SLC14A1: variants seen among roughly 807,000 people sequenced by gnomAD.
SLC14A1 encodes the protein urea transporter 1.
In SLC14A1, 36 loss-of-function variants were observed where a neutral mutation model predicts 39.6. The ratio of observed to expected loss-of-function variants is 0.91; its 90% confidence interval spans 0.70 to 1.20. SLC14A1 has a LOEUF of 1.20. Ranked by LOEUF, SLC14A1 falls within the 50% of genes most tolerant of loss-of-function variation. The pLI is 0.00. For missense variants in SLC14A1, 469 were observed against 478.7 expected (o/e 0.98, Z 0.19); for synonymous variants, 164 against 173.6 (o/e 0.94, Z 0.43).
chr18:45,739,905 C>T (rs2144806968), intron 8 of SLC14A1: 1 of 569,556 alleles, frequency 1.8e-6, no homozygotes, highest in Non-Finnish European at 3.1e-6. Flanking sequence ...TATCCTAAAA[C>T]ATGGATGTTT....
chr18:45,742,606 C>G (rs762474923), intron 8 of SLC14A1, among the ~76,000 whole-genome samples: 2 of 151,704 alleles, frequency 1.3e-5, no homozygotes, highest in Non-Finnish European at 2.9e-5. Flanking sequence ...GATCTGTCCA[C>G]CCCGGCCTCC....
chr18:45,730,886 G>A (rs12963324), intron 3 of SLC14A1, 129 bp from the exon 4 acceptor site: 261,307 of 846,454 alleles, frequency 0.31, 44,865 homozygotes, highest in Middle Eastern at 0.39. Flanking sequence ...GGTTGAGAGA[G>A]AAATATTAAA....
Position 45,752,205 on chromosome 18 carries a change from A to G in SLC14A1, c.*2254A>G, listed in dbSNP as rs148420910. 484 of 984,926 alleles carry G rather than the reference A, an allele frequency of 4.9e-4. 1 individual carries two copies. The African/African-American group carries it at 6.7e-3, about 14-fold the overall frequency. 61.0% of individuals were successfully genotyped at this position (984,926 alleles called of 1,614,324 possible). ...AACGTGTGAAAGAAGAATTGTGGGG[A>G]AAAAAAAGCAAGCATAACCAAAGAT... On this transcript the variant is annotated 3_prime_UTR_variant, in exon 10 of 10. Transcript: ENST00000321925.
intron 4 of SLC14A1, 185 bp from the exon 5 acceptor site, chr18:45,734,089 A>T: frequency 1.5e-6 from 1 of 686,398 alleles, no homozygotes; most frequent in Non-Finnish European, 2.5e-6. Context: ...ATTTTTATCT[A>T]TGTATATTTC....
At chr18:45,729,944 T>C (rs2144748702) in intron 2 of SLC14A1, 1 of 177,362 alleles carries the variant, frequency 5.6e-6, no homozygotes, top group East Asian at 1.4e-4. Context: ...CAGCTCTTTC[T>C]ACGTGATTTG....
chr18:45,736,494 A>G lies in SLC14A1; in HGVS notation c.509A>G (p.Lys170Arg). 1.9e-6 allele frequency: 3 copies of G among 1,614,132 alleles called. No individual in the cohort carries two copies. Among genetic ancestry groups the G allele is most frequent in the African/African-American group, 1.3e-5 (1 of 75,020 alleles). ...AGTGCATTGAATTCCATGCTCAGCA[A>G]ATGGGACCTCCCCGTCTTCACCCTC... ...FSSALNSMLS[K>R]WDLPVFTLPF... The change falls in exon 6 of 10, where the codon AAA (lysine) becomes AGA (arginine). Residue 170 changes from lysine (K) to arginine (R), a missense_variant. Physicochemically the swap from Lys to Arg is conservative, Grantham distance 26. Transcript: ENST00000321925.
At chr18:45,727,173 C>T (rs2046887397) in intron 2 of SLC14A1, 1 of 1,295,912 alleles carries the variant, frequency 7.7e-7, no homozygotes, top group African/African-American at 1.5e-5. Flanking sequence ...GCGCTCCAGC[C>T]CCCCTCAGCT....
chr18:45,737,865 C>A (rs188972726), intron 6 of SLC14A1, among the ~76,000 whole-genome samples: 26 of 152,264 alleles, frequency 1.7e-4, no homozygotes, highest in East Asian at 5.8e-4. Context: ...GAAAGTTATC[C>A]TGCACAGTGC....
chr18:45,735,767 C>T (rs2047176282), intron 5 of SLC14A1, among the ~76,000 whole-genome samples: 1 of 152,214 alleles, frequency 6.6e-6, no homozygotes, highest in African/African-American at 2.4e-5. Flanking sequence ...ACCACGCTCC[C>T]TTCCACAATC....
chr18:45,739,484 A>G (rs1265926864), intron 7 of SLC14A1, 44 bp from the exon 8 acceptor site: 1 of 1,613,754 alleles, frequency 6.2e-7, no homozygotes, highest in Admixed American at 1.7e-5. Flanking sequence ...CTTCCAGAAC[A>G]TCCTGCCTTT....
At chr18:45,748,101 ACATG>A (rs1432562907) in intron 8 of SLC14A1, among the ~76,000 whole-genome samples, 2 of 152,224 alleles carry the variant, frequency 1.3e-5, no homozygotes, top group Admixed American at 1.3e-4. Flanking sequence ...TGTGCTAAAC[ACATG>A]CATTATTTCC....
At position 45,739,530 on chromosome 18, in the gene SLC14A1, C is replaced by T. The variant is rs757895930; in HGVS notation, c.814C>T (p.Leu272Phe). 4 of 1,614,204 alleles carry T rather than the reference C, an allele frequency of 2.5e-6. No individual in the cohort carries two copies. The highest frequency in any genetic ancestry group is 1.3e-5 in the African/African-American group (1 of 75,052). ...IGSLLGIAAG[L>F]SLSAPFEDIY... is the part of the protein sequence containing the mutation. ...TCTGACCCCTCCTGTCTTAACAGGA[C>T]TCAGTCTTTCAGCCCCATTTGAGGA... Residue 272 changes from leucine to phenylalanine, a missense_variant and splice_region_variant, in exon 8 of 10, where the codon CTC (leucine) becomes TTC (phenylalanine). Physicochemically the swap from Leu to Phe is conservative, Grantham distance 22. Transcript: ENST00000321925.
chr18:45,729,205 G>A (rs1418691046), intron 2 of SLC14A1: 1 of 152,154 alleles, frequency 6.6e-6, no homozygotes, highest in Non-Finnish European at 1.5e-5. Flanking sequence ...ATGCCTTCCA[G>A]GGTCTGATGA....
chr18:45,727,608 G>C (rs1399985050), intron 2 of SLC14A1, among the ~76,000 whole-genome samples: 1 of 152,232 alleles, frequency 6.6e-6, no homozygotes, highest in Non-Finnish European at 1.5e-5. Context: ...GAGCTGAGAA[G>C]TTTTGACAGC....
intron 5 of SLC14A1, 151 bp from the exon 6 acceptor site, chr18:45,736,305 T>C (rs692899): frequency 0.31 from 219,508 of 718,282 alleles, 37,703 homozygotes; most frequent in Middle Eastern, 0.37. Flanking sequence ...ATAATAGGAT[T>C]TATCCCAAGT....
At position 45,748,430 on chromosome 18, in the gene SLC14A1, G is replaced by A. The variant is rs1568049596; in HGVS notation, c.996+5G>A. 2 of 1,613,944 alleles carry A rather than the reference G, an allele frequency of 1.2e-6. No homozygotes were observed. The highest frequency in any genetic ancestry group is 2.2e-5 in the South Asian group (2 of 91,070). ...ATGGCAAACTTTATGGCTGAGGTGA[G>A]TTTGCTTTAGTCTCACTTTTCATTA... On this transcript the variant is annotated splice_donor_5th_base_variant and intron_variant, in intron 9 of 9. Coordinates refer to ENST00000321925, the MANE Select transcript of SLC14A1 (RefSeq NM_015865.7).
intron 5 of SLC14A1, among the ~76,000 whole-genome samples, chr18:45,734,634 G>A (rs978021676): frequency 6.6e-6 from 1 of 152,220 alleles, no homozygotes; most frequent in Non-Finnish European, 1.5e-5. Flanking sequence ...AAACTATTCA[G>A]AAGGCTGAGG....
chr18:45,737,184 G>C (rs928212394), intron 6 of SLC14A1, among the ~76,000 whole-genome samples: 3 of 152,204 alleles, frequency 2.0e-5, no homozygotes, highest in Non-Finnish European at 4.4e-5. Flanking sequence ...CTTCATCTCA[G>C]ACCCTCTAAA....
chr18:45,748,321 T>C (rs1019935777), intron 8 of SLC14A1, 55 bp from the exon 9 acceptor site: 33 of 1,568,752 alleles, frequency 2.1e-5, no homozygotes, highest in Non-Finnish European at 2.9e-5. Context: ...GCCTTTCCTG[T>C]GATTAAAAGT....
Sources: gnomAD v4.1 joint callset for allele counts (sites outside exome capture counted in the v4.1 genomes callset) on GRCh38, gnomAD v4.1.1 for gene constraint, MANE v1.5 for transcripts, NCBI Gene and HGNC (gene_info 2026-07-23, HGNC 2026-07-21) for gene names.